The following COL6A6 variants were observed in gnomAD, a reference collection of about 807,000 sequenced individuals.
COL6A6 encodes the protein collagen alpha-6(VI) chain.
COL6A6 carries 183 observed loss-of-function variants against 208.6 expected under a neutral mutation model. The ratio of observed to expected loss-of-function variants is 0.88; its 90% CI spans 0.78 to 0.99. The LOEUF (loss-of-function observed/expected upper bound fraction) is 0.99. Among genes scored for constraint, COL6A6 ranks in the 50% least tolerant of loss-of-function variants. COL6A6 has a pLI of 0.00. For missense variants in COL6A6, 2,816 were observed against 2,815.2 expected (o/e 1.00, Z -0.01); for synonymous variants, 973 against 1,011.8 (o/e 0.96, Z 0.73).
At chr3:130,526,197 G>A (rs1470360000) in intron 1 of COL6A6, among the ~76,000 whole-genome samples, 1 of 152,078 alleles carries the variant, frequency 6.6e-6, no homozygotes, top group Non-Finnish European at 1.5e-5. Flanking sequence ...TGGTCAGGGA[G>A]GCTTCTCTGG....
chr3:130,640,212 T>C (rs922219727), intron 28 of COL6A6, among the ~76,000 whole-genome samples: 5 of 152,238 alleles, frequency 3.3e-5, no homozygotes, highest in Non-Finnish European at 7.3e-5. Flanking sequence ...GGACGTATGA[T>C]ATAAAACACA....
intron 1 of COL6A6, among the ~76,000 whole-genome samples, chr3:130,529,892 G>A (rs1304227813): frequency 6.6e-6 from 1 of 152,162 alleles, no homozygotes; most frequent in African/African-American, 2.4e-5. Context: ...AGGATTGCAC[G>A]AACTCAGTCC....
chr3:130,568,673 G>T (rs1238099467), intron 6 of COL6A6, 69 bp downstream of exon 6: 8 of 1,338,678 alleles, frequency 6.0e-6, no homozygotes, highest in Non-Finnish European at 8.1e-6. Flanking sequence ...TCTATTTCTT[G>T]AATTTAATTC....
At chr3:130,610,159 T>C (rs75799829) in intron 22 of COL6A6, among the ~76,000 whole-genome samples, 5,224 of 152,164 alleles carry the variant, frequency 0.034, 337 homozygotes, top group African/African-American at 0.12. Flanking sequence ...TGAAAGTTTC[T>C]CTGCATAACA....
At chr3:130,664,336 G>A (rs2066017766) in intron 35 of COL6A6, among the ~76,000 whole-genome samples, 1 of 152,186 alleles carries the variant, frequency 6.6e-6, no homozygotes, top group Non-Finnish European at 1.5e-5. Context: ...ACAGTGTTGG[G>A]TCACGGTCCA....
rs142631115 is a variant in COL6A6 at position 130,656,533 on chromosome 3, T to C, written c.5734-2143T>C. 6.4e-3 allele frequency among the ~76,000 whole-genome samples: 971 copies of C among 152,190 alleles called. 11 individuals are homozygous for C. The highest frequency in any genetic ancestry group is 0.022 in the African/African-American group (917 of 41,532). ...TCAGAGGGGAGGAAGTGTGTGCTGA[T>C]TGATTAATGGGAGGCCACTGACGGG... On this transcript the variant is annotated intron_variant, in intron 33 of 36. Coordinates refer to ENST00000358511, the MANE Select transcript of COL6A6 (RefSeq NM_001102608.3).
chr3:130,594,038 AAAC>A (rs2063785330), intron 17 of COL6A6, among the ~76,000 whole-genome samples: 1 of 152,206 alleles, frequency 6.6e-6, no homozygotes, highest in Non-Finnish European at 1.5e-5. Flanking sequence ...TATTTGTAAA[AAAC>A]AAGATGACAA....
At chr3:130,585,564 T>C (rs1456818863) in intron 10 of COL6A6, among the ~76,000 whole-genome samples, 1 of 152,210 alleles carries the variant, frequency 6.6e-6, no homozygotes, top group Non-Finnish European at 1.5e-5. Flanking sequence ...TATTTAATGT[T>C]CTTACCTAGC....
intron 23 of COL6A6, among the ~76,000 whole-genome samples, chr3:130,614,519 C>T (rs372848310): frequency 2.0e-5 from 3 of 152,114 alleles, no homozygotes; most frequent in East Asian, 3.9e-4. Flanking sequence ...TGATGCTGGC[C>T]TCGTAGAATG....
intron 18 of COL6A6, among the ~76,000 whole-genome samples, chr3:130,597,497 G>T (rs1169154976): frequency 6.6e-6 from 1 of 152,176 alleles, no homozygotes; most frequent in Non-Finnish European, 1.5e-5. Flanking sequence ...ATTGATGAAG[G>T]AAATCTGAGC....
At chr3:130,546,569 G>A (rs563964115) in intron 1 of COL6A6, among the ~76,000 whole-genome samples, 104 of 152,342 alleles carry the variant, frequency 6.8e-4, no homozygotes, top group African/African-American at 2.3e-3. Flanking sequence ...CCCACATCCT[G>A]CTGATTGGCC....
At chr3:130,673,226 AAAAC>A (rs1238427475) in intron 36 of COL6A6, among the ~76,000 whole-genome samples, 2 of 150,936 alleles carry the variant, frequency 1.3e-5, no homozygotes, top group African/African-American at 2.4e-5. Context: ...ACAAAAAAAA[AAAAC>A]AAAACCCAAG....
rs766278820 is a variant in COL6A6, at chr3:130,586,536, A to G, written c.4001A>G (p.Asp1334Gly). The change falls in exon 11 of 37, where the codon GAT becomes GGT. Residue 1334 changes from aspartate to glycine, a missense_variant. Asp to Gly is a moderately conservative substitution (Grantham distance 94). Transcript: ENST00000358511. Reference sequence around the variant, plus strand: ...AATGCCCTCATAACTGTTGCTCTGGATGGACCTGCTGATTCAAGTGACTTG... The same window carrying G: ...AATGCCCTCATAACTGTTGCTCTGGGTGGACCTGCTGATTCAAGTGACTTG... ...GLNALITVAL[D>G]GPADSSDLAD... The G allele has an allele frequency of 4.3e-6, 7 of 1,613,834 alleles. No homozygotes were observed. The highest frequency in any genetic ancestry group is 2.2e-5 in the East Asian group (1 of 44,858).
At position 130,563,155 on chromosome 3, in the gene COL6A6, C is replaced by A. The variant is rs2062932939; in HGVS notation, c.152C>A (p.Thr51Asn). Residue 51 changes from threonine (T) to asparagine (N), a missense_variant, in exon 3 of 37, where the codon ACC becomes AAC. By Grantham distance (65) the Thr-to-Asn change is moderately conservative. Coordinates refer to ENST00000358511, the MANE Select transcript of COL6A6 (RefSeq NM_001102608.3). The stretch of plus-strand genomic sequence containing the variant: ...TTCCCATTTGTGAAAATGTTCATCA[C>A]CAAAATGATCAGCAGTCTCCCCATA... ...KSFPFVKMFI[T>N]KMISSLPIEA... is the part of the protein sequence containing the mutation. 6.2e-7 allele frequency: 1 copy of A among 1,613,834 alleles called. No individual in the cohort carries two copies.
chr3:130,671,965 A>C (rs1246038120), intron 36 of COL6A6, among the ~76,000 whole-genome samples: 5 of 152,262 alleles, frequency 3.3e-5, no homozygotes, highest in Non-Finnish European at 5.9e-5. Context: ...CCAGAGCCAG[A>C]ACAATTGAAT....
At chr3:130,624,748 C>A (rs901620866) in intron 24 of COL6A6, among the ~76,000 whole-genome samples, 2 of 152,066 alleles carry the variant, frequency 1.3e-5, no homozygotes, top group African/African-American at 4.8e-5. Flanking sequence ...GGGTCGGGGG[C>A]AGGTCAAGAA....
chr3:130,635,706 T>A lies in COL6A6; in HGVS notation c.5036T>A (p.Ile1679Asn). The A allele has an allele frequency of 3.7e-6, 6 of 1,608,318 alleles. No homozygotes were observed. Among genetic ancestry groups the A allele is most frequent in the Non-Finnish European group, 5.1e-6 (6 of 1,175,080 alleles). The change falls in exon 28 of 37, where the codon ATT becomes AAT. Residue 1679 changes from isoleucine (I) to asparagine (N), a missense_variant. Coordinates refer to ENST00000358511, the MANE Select transcript of COL6A6 (RefSeq NM_001102608.3). ...FPGESGPKGE[I>N]GDPGGPGETG... is the part of the protein sequence containing the mutation. ...TTTAATAAATGTATTTAGGGTGAGA[T>A]TGGGGACCCTGGTGGTCCAGGAGAG...
At chr3:130,655,846 G>C (rs1264770092) in intron 33 of COL6A6, among the ~76,000 whole-genome samples, 1 of 152,198 alleles carries the variant, frequency 6.6e-6, no homozygotes, top group Non-Finnish European at 1.5e-5. Flanking sequence ...CATTCAGCCT[G>C]GCAGGCTGTG....
chr3:130,566,737 C>A lies in COL6A6; in HGVS notation c.1318C>A (p.Leu440Ile). ...CACTGAGGAAGCAGACATCTATCTG[C>A]TTATCGATGGCTCAGGGAGCACCCA... ...VDTEEADIYL[L>I]IDGSGSTQAT... Residue 440 changes from leucine to isoleucine, a missense_variant, in exon 5 of 37, where the codon CTT becomes ATT. Leu to Ile is a conservative substitution (Grantham distance 5, BLOSUM62 2). Transcript: ENST00000358511. 6.2e-7 allele frequency: 1 copy of A among 1,613,314 alleles called. No homozygotes were observed. Among genetic ancestry groups the A allele is most frequent in the Non-Finnish European group, 8.5e-7 (1 of 1,179,550 alleles).
Sources: allele counts gnomAD v4.1 joint callset (sites outside exome capture counted in the v4.1 genomes callset), GRCh38; gene constraint gnomAD v4.1.1; transcripts MANE v1.5; gene names NCBI Gene and HGNC (gene_info 2026-07-23, HGNC 2026-07-21).